Variants in ERC2 observed in about 807,000 individuals in gnomAD.
ERC2 encodes ELKS/RAB6-interacting/CAST family member 2.
Under a neutral mutation model 114.8 loss-of-function variants are expected in ERC2, and 42 were observed. The observed-to-expected ratio is 0.37, with a 90% CI of 0.29 to 0.47. The LOEUF (loss-of-function observed/expected upper bound fraction) is 0.47. Ranked by LOEUF, ERC2 falls within the 20% of genes least tolerant of loss-of-function variation. ERC2 has a pLI of 0.99. For synonymous variants in ERC2, 454 were observed against 425.5 expected (o/e 1.07, Z -0.82); for missense variants, 939 against 1,150.7 (o/e 0.82, Z 2.66).
rs115651048 is a variant in ERC2, at chr3:55,921,530, A to G, written c.2403+28895T>C. 6.1e-3 allele frequency among the ~76,000 whole-genome samples: 930 copies of G among 152,274 alleles called. 15 individuals are homozygous for G. The highest frequency in any genetic ancestry group is 0.022 in the African/African-American group (895 of 41,572). On this transcript the variant is annotated intron_variant, in intron 13 of 17. Transcript: ENST00000288221. ...AAATTCTGTCATCGCAAACTGAACA[A>G]TCAACCTGAATATGGTTTTTAAAAA...
intron 14 of ERC2, among the ~76,000 whole-genome samples, chr3:55,794,050 C>T: frequency 6.6e-6 from 1 of 152,286 alleles, no homozygotes; most frequent in African/African-American, 2.4e-5. Context: ...AAAACTAGTA[C>T]TCTCACAAAA....
intron 17 of ERC2, among the ~76,000 whole-genome samples, chr3:55,661,297 C>T (rs1385966839): frequency 6.6e-6 from 1 of 152,204 alleles, no homozygotes; most frequent in Non-Finnish European, 1.5e-5. Flanking sequence ...AATTTACTTT[C>T]CAGCTCATTC....
chr3:55,778,937 G>A lies in ERC2; in HGVS notation c.2565-44019C>T, dbSNP rs76267706. Among the ~76,000 whole-genome samples, 390 of 152,090 alleles carry A rather than the reference G, an allele frequency of 2.6e-3. 5 individuals are homozygous for A. In the East Asian group the frequency reaches 0.047, roughly 18 times the overall value. Reference sequence around the variant, plus strand: ...AAAATGACAAAAAGGCAAGGGAATAGAACAGATAAAGAAGAGATTGGAATA... The same window carrying A: ...AAAATGACAAAAAGGCAAGGGAATAAAACAGATAAAGAAGAGATTGGAATA... On this transcript the variant is annotated intron_variant, in intron 14 of 17. Transcript: ENST00000288221.
intron 4 of ERC2, among the ~76,000 whole-genome samples, chr3:56,159,876 A>T (rs12636541): frequency 0.35 from 53,091 of 151,766 alleles, 10,287 homozygotes; most frequent in Middle Eastern, 0.46. Flanking sequence ...CCCATGGCGT[A>T]TACATACTAA....
intron 2 of ERC2, among the ~76,000 whole-genome samples, chr3:56,413,215 T>C (rs1212063692): frequency 1.3e-5 from 2 of 152,228 alleles, no homozygotes; most frequent in African/African-American, 4.8e-5. Context: ...CCCACTTTCA[T>C]GCTCTGGCAT....
chr3:55,853,411 G>A (rs2061656644), intron 14 of ERC2, among the ~76,000 whole-genome samples: 1 of 152,074 alleles, frequency 6.6e-6, no homozygotes. Flanking sequence ...TACAATCCCA[G>A]CTACTTGGGA....
chr3:56,082,027 C>T lies in ERC2; in HGVS notation c.1474-1043G>A, dbSNP rs572648220. Among the ~76,000 whole-genome samples, 13 of 152,238 alleles carry T rather than the reference C, an allele frequency of 8.5e-5. 1 individual carries two copies. In the South Asian group the frequency reaches 2.7e-3, roughly 32 times the overall value. On this transcript the variant is annotated intron_variant, in intron 6 of 17. Transcript: ENST00000288221. Reference sequence around the variant, plus strand: ...TCCAAGAGTCTTGTTCTCAGCTAAACAATGACATTCAATAAGTTACTCCCA... The same window carrying T: ...TCCAAGAGTCTTGTTCTCAGCTAAATAATGACATTCAATAAGTTACTCCCA...
chr3:55,781,054 G>A (rs2069000963), intron 14 of ERC2, among the ~76,000 whole-genome samples: 1 of 152,198 alleles, frequency 6.6e-6, no homozygotes, highest in East Asian at 1.9e-4. Flanking sequence ...AATACATTTG[G>A]ACATTATATC....
chr3:56,163,772 T>C (rs1444350394), intron 4 of ERC2, among the ~76,000 whole-genome samples: 4 of 152,096 alleles, frequency 2.6e-5, no homozygotes, highest in Admixed American at 2.0e-4. Context: ...ACATGTGATG[T>C]GGGTCTCTTG....
intron 3 of ERC2, among the ~76,000 whole-genome samples, chr3:56,284,599 AC>A (rs1252783365): frequency 6.6e-6 from 1 of 152,220 alleles, no homozygotes; most frequent in Admixed American, 6.5e-5. Context: ...TGTTTAAAAA[AC>A]AGAAAGGGAG....
At chr3:56,021,781 T>G (rs1444690714) in intron 7 of ERC2, among the ~76,000 whole-genome samples, 1 of 152,198 alleles carries the variant, frequency 6.6e-6, no homozygotes, top group Non-Finnish European at 1.5e-5. Flanking sequence ...GTTCATAAGT[T>G]CTTATCATTT....
chr3:55,686,109 G>A (rs925965817), intron 16 of ERC2, among the ~76,000 whole-genome samples: 5 of 152,096 alleles, frequency 3.3e-5, no homozygotes, highest in East Asian at 1.9e-4. Context: ...GAAAGTACAC[G>A]CTGCCAATAT....
At chr3:56,054,475 T>G (rs2149692313) in intron 7 of ERC2, among the ~76,000 whole-genome samples, 1 of 152,354 alleles carries the variant, frequency 6.6e-6, no homozygotes, top group Non-Finnish European at 1.5e-5. Context: ...TTCATATATA[T>G]GATAGCATAT....
intron 4 of ERC2, among the ~76,000 whole-genome samples, chr3:56,156,899 T>C (rs1486645564): frequency 6.6e-6 from 1 of 152,110 alleles, no homozygotes; most frequent in African/African-American, 2.4e-5. Context: ...CAAAAATCCA[T>C]ATTTATTTGT....
intron 12 of ERC2, among the ~76,000 whole-genome samples, chr3:55,973,464 C>G (rs747525480): frequency 6.6e-6 from 1 of 152,170 alleles, no homozygotes; most frequent in African/African-American, 2.4e-5. Flanking sequence ...AAAACACAAT[C>G]CTGTTCCCCA....
intron 3 of ERC2, among the ~76,000 whole-genome samples, chr3:56,215,249 T>C (rs563159072): frequency 2.0e-4 from 31 of 152,102 alleles, no homozygotes; most frequent in East Asian, 1.9e-4. Context: ...AGGAAACCCA[T>C]CTCATGTGTA....
chr3:56,285,106 C>T (rs1214874967), intron 3 of ERC2, among the ~76,000 whole-genome samples: 2 of 143,472 alleles, frequency 1.4e-5, no homozygotes, highest in African/African-American at 2.6e-5. Context: ...CCCCCCCATC[C>T]CTACCTCCCC....
chr3:55,790,613 C>T (rs1311441452), intron 14 of ERC2, among the ~76,000 whole-genome samples: 2 of 152,176 alleles, frequency 1.3e-5, no homozygotes, highest in Admixed American at 6.5e-5. Context: ...TGAATAACAA[C>T]CCTACTATCC....
intron 10 of ERC2, 147 bp downstream of exon 10, chr3:56,007,034 A>G: frequency 3.0e-6 from 2 of 655,742 alleles, no homozygotes; most frequent in Non-Finnish European, 4.8e-6. Context: ...ACTTCTTAGC[A>G]ATAAAGTTAA....
Sources: gnomAD v4.1 joint callset for allele counts (sites outside exome capture counted in the v4.1 genomes callset) on GRCh38, gnomAD v4.1.1 for gene constraint, MANE v1.5 for transcripts, NCBI Gene and HGNC (gene_info 2026-07-23, HGNC 2026-07-21) for gene names.